The following GALNT16 variants were observed in gnomAD, a reference collection of about 807,000 sequenced individuals.
The protein encoded by GALNT16 is polypeptide N-acetylgalactosaminyltransferase 16, also known as UDP-GalNAc:polypeptide N-acetylgalactosaminyltransferase-like protein 1.
GALNT16 carries 40 observed loss-of-function variants against 76.1 expected under a neutral mutation model. That is an observed-to-expected ratio of 0.53 (90% CI 0.41 to 0.68). The LOEUF is 0.68. GALNT16 is among the 30% of genes least tolerant of loss of function. The probability of loss-of-function intolerance (pLI) is 0.00; values close to 1 mark genes in which losing one functional copy is unlikely to be tolerated. For synonymous variants in GALNT16, 276 were observed against 285.2 expected, an observed-to-expected ratio of 0.97 and a Z score of 0.32; for missense variants, 621 against 731.9, an observed-to-expected ratio of 0.85 and a Z score of 1.75.
the GALNT16 span, among the ~76,000 whole-genome samples, chr14:69,378,835 T>C: frequency 6.6e-6 from 1 of 152,236 alleles, no homozygotes; most frequent in African/African-American, 2.4e-5. Context: ...AGATCCTCTA[T>C]TTGTTAAAGA....
chr14:69,316,684 G>A (rs749576777), intron 1 of GALNT16, among the ~76,000 whole-genome samples: 1 of 150,510 alleles, frequency 6.6e-6, no homozygotes, highest in African/African-American at 2.4e-5. Context: ...AGCAGAGCAA[G>A]TAAGGGGCAG....
At chr14:69,309,209 A>C (rs755976973) in intron 1 of GALNT16, among the ~76,000 whole-genome samples, 4 of 152,132 alleles carry the variant, frequency 2.6e-5, no homozygotes, top group Admixed American at 6.5e-5. Context: ...TGCATAAGGC[A>C]AGATATGGGG....
At chr14:69,320,112 T>C (rs1186190743) in intron 1 of GALNT16, among the ~76,000 whole-genome samples, 1 of 152,196 alleles carries the variant, frequency 6.6e-6, no homozygotes, top group Admixed American at 6.5e-5. Context: ...CAAAGAACAT[T>C]GGTTAAGAGC....
At chr14:69,382,342 C>T in the GALNT16 span, among the ~76,000 whole-genome samples, 2 of 152,148 alleles carry the variant, frequency 1.3e-5, no homozygotes, top group African/African-American at 4.8e-5. Flanking sequence ...AAGCTCTAAG[C>T]TAGTCTACTG....
At chr14:69,379,867 T>C in the GALNT16 span, among the ~76,000 whole-genome samples, 1 of 152,162 alleles carries the variant, frequency 6.6e-6, no homozygotes, top group Non-Finnish European at 1.5e-5. Flanking sequence ...CGGACAAGCT[T>C]TATCACCAGA....
chr14:69,293,254 C>A (rs1410375663), intron 1 of GALNT16, among the ~76,000 whole-genome samples: 4 of 152,214 alleles, frequency 2.6e-5, no homozygotes, highest in African/African-American at 9.6e-5. Flanking sequence ...GCAAAGAAAC[C>A]CAGATGCGGT....
At chr14:69,301,918 A>G (rs559004673) in intron 1 of GALNT16, among the ~76,000 whole-genome samples, 2 of 152,330 alleles carry the variant, frequency 1.3e-5, no homozygotes, top group East Asian at 3.9e-4. Flanking sequence ...TGAACCCAGG[A>G]GGCGGGGTTG....
rs141241841 is a variant in GALNT16, at chr14:69,260,251, G to A, written c.-40G>A. On this transcript the variant is annotated 5_prime_UTR_variant, in exon 1 of 15. Coordinates refer to ENST00000448469, the MANE Select transcript of GALNT16 (RefSeq NM_001168368.2). ...GCCCCCGCCCCGGCCCCGAGAGCAC[G>A]CCGGCCCAGTCCCCCACCTGGGGCG... 1.9e-3 allele frequency: 2,895 copies of A among 1,510,108 alleles called. 46 individuals are homozygous for A. In the African/African-American group the frequency reaches 0.035, roughly 19 times the overall value. 93.5% of individuals were successfully genotyped at this position (1,510,108 alleles called of 1,614,324 possible).
intron 9 of GALNT16, among the ~76,000 whole-genome samples, chr14:69,336,998 A>T (rs1255264810): frequency 6.6e-6 from 1 of 152,140 alleles, no homozygotes; most frequent in Non-Finnish European, 1.5e-5. Flanking sequence ...AAGTCCTAAG[A>T]TCACAGGCGT....
At chr14:69,286,765 G>A (rs764169946) in intron 1 of GALNT16, among the ~76,000 whole-genome samples, 9 of 152,172 alleles carry the variant, frequency 5.9e-5, no homozygotes, top group Non-Finnish European at 1.0e-4. Context: ...TTAGAGGAGA[G>A]CTGTATGATC....
At chr14:69,363,184 C>G in the GALNT16 span, among the ~76,000 whole-genome samples, 1 of 152,200 alleles carries the variant, frequency 6.6e-6, no homozygotes, top group African/African-American at 2.4e-5. Flanking sequence ...GCTGCGGAGA[C>G]AGTCCTCGGC....
At chr14:69,302,869 G>C (rs1274970705) in intron 1 of GALNT16, among the ~76,000 whole-genome samples, 1 of 152,086 alleles carries the variant, frequency 6.6e-6, no homozygotes, top group Non-Finnish European at 1.5e-5. Context: ...AGCAATATTT[G>C]AGACATACTT....
At chr14:69,269,380 CGT>C (rs113574682) in intron 1 of GALNT16, among the ~76,000 whole-genome samples, 2 of 149,614 alleles carry the variant, frequency 1.3e-5, no homozygotes, top group Non-Finnish European at 3.0e-5. Flanking sequence ...ATGGGGCGCA[CGT>C]GTGTGTGTGT....
the GALNT16 span, among the ~76,000 whole-genome samples, chr14:69,369,328 T>C: frequency 6.6e-6 from 1 of 152,160 alleles, no homozygotes; most frequent in Admixed American, 6.5e-5. Flanking sequence ...AAATGAATAA[T>C]TAAATAAATG....
intron 1 of GALNT16, among the ~76,000 whole-genome samples, chr14:69,297,866 T>C (rs1292285782): frequency 6.6e-6 from 1 of 152,202 alleles, no homozygotes; most frequent in Non-Finnish European, 1.5e-5. Context: ...ACCGACTTAC[T>C]GAGAGCTTGT....
chr14:69,262,866 G>A (rs988255630), intron 1 of GALNT16, among the ~76,000 whole-genome samples: 2 of 144,134 alleles, frequency 1.4e-5, no homozygotes, highest in Non-Finnish European at 3.0e-5. Flanking sequence ...GATGCACACA[G>A]CAAGATTTCT....
chr14:69,361,338 A>T (rs1199263046), downstream of GALNT16, among the ~76,000 whole-genome samples: 2 of 152,266 alleles, frequency 1.3e-5, no homozygotes, highest in East Asian at 3.9e-4. Flanking sequence ...TTTCAATACC[A>T]CCCCATTTAC....
At chr14:69,260,104 A>C, upstream of GALNT16, 3 of 504,606 alleles carry the variant, frequency 5.9e-6, no homozygotes, top group Non-Finnish European at 3.6e-6. Flanking sequence ...TAGGACCGTG[A>C]GGATCGCTCC....
chr14:69,303,020 A>T (rs926797260), intron 1 of GALNT16, among the ~76,000 whole-genome samples: 4 of 152,198 alleles, frequency 2.6e-5, no homozygotes, highest in African/African-American at 9.7e-5. Context: ...ATATCTTACT[A>T]AGAAATATTA....
Sources: allele counts gnomAD v4.1 joint callset (sites outside exome capture counted in the v4.1 genomes callset), GRCh38; gene constraint gnomAD v4.1.1; transcripts MANE v1.5; gene names NCBI Gene and HGNC (gene_info 2026-07-23, HGNC 2026-07-21).